The following WDPCP variants were observed in gnomAD, a reference collection of about 807,000 sequenced individuals.
WDPCP encodes WD repeat containing planar cell polarity effector.
In WDPCP, 71 loss-of-function variants were observed where a neutral mutation model predicts 93.1. The observed-to-expected ratio is 0.76, with a 90% confidence interval of 0.63 to 0.93. The LOEUF (loss-of-function observed/expected upper bound fraction) is 0.93. WDPCP is among the 40% of genes least tolerant of loss of function. The pLI is 0.00. For synonymous variants in WDPCP, 315 were observed against 315.0 expected, an observed-to-expected ratio of 1.00 and a Z score of 0.00; for missense variants, 844 against 887.4, an observed-to-expected ratio of 0.95 and a Z score of 0.62.
At chr2:63,804,642 C>T (rs996997544) in intron 2 of WDPCP, among the ~76,000 whole-genome samples, 5 of 151,736 alleles carry the variant, frequency 3.3e-5, no homozygotes, top group South Asian at 2.1e-4. Flanking sequence ...TGTTGGTGAA[C>T]GACTAGAATA....
chr2:63,299,287 C>A (rs1394127729), intron 13 of WDPCP, among the ~76,000 whole-genome samples: 1 of 152,178 alleles, frequency 6.6e-6, no homozygotes, highest in African/African-American at 2.4e-5. Flanking sequence ...GGCTACTATG[C>A]CCTTCACCTG....
intron 17 of WDPCP, among the ~76,000 whole-genome samples, chr2:63,126,982 C>A (rs1016971386): frequency 6.6e-6 from 1 of 152,002 alleles, no homozygotes; most frequent in African/African-American, 2.4e-5. Flanking sequence ...CATGCCTGGC[C>A]TGCAACTTTT....
At chr2:63,651,126 C>T (rs948677921) in intron 2 of WDPCP, among the ~76,000 whole-genome samples, 12 of 152,098 alleles carry the variant, frequency 7.9e-5, no homozygotes, top group Admixed American at 6.5e-5. Context: ...GCTTTCCGAC[C>T]GTGTAGAGCA....
At chr2:63,474,556 C>A (rs867561446) in intron 6 of WDPCP, among the ~76,000 whole-genome samples, 2 of 152,096 alleles carry the variant, frequency 1.3e-5, no homozygotes, top group Middle Eastern at 6.8e-3. Flanking sequence ...TTGCTTATCT[C>A]CTGAGTGGAA....
chr2:63,352,829 T>C (rs13386979), intron 12 of WDPCP, among the ~76,000 whole-genome samples: 35,872 of 152,088 alleles, frequency 0.24, 5,676 homozygotes, highest in East Asian at 0.61. Flanking sequence ...GATGCTGGTA[T>C]TCATACTTCA....
chr2:63,655,023 TGAGA>T (rs767320793), intron 2 of WDPCP, among the ~76,000 whole-genome samples: 5 of 152,172 alleles, frequency 3.3e-5, no homozygotes, highest in Non-Finnish European at 5.9e-5. Flanking sequence ...AAGCCAGAGA[TGAGA>T]GACTAGAGAA....
At chr2:63,248,799 G>C (rs891550050) in intron 14 of WDPCP, among the ~76,000 whole-genome samples, 2 of 151,784 alleles carry the variant, frequency 1.3e-5, no homozygotes, top group Non-Finnish European at 2.9e-5. Flanking sequence ...CTCAAACCTT[G>C]AACTTCTCTA....
chr2:63,831,375 T>C (rs976268621), upstream of WDPCP, among the ~76,000 whole-genome samples: 1 of 152,192 alleles, frequency 6.6e-6, no homozygotes, highest in Non-Finnish European at 1.5e-5. Context: ...TCTCCTAGAA[T>C]ACACAATGCT....
chr2:63,368,418 C>A (rs567300139), intron 12 of WDPCP, among the ~76,000 whole-genome samples: 2 of 152,036 alleles, frequency 1.3e-5, no homozygotes, highest in African/African-American at 4.8e-5. Context: ...CTCCACCTCC[C>A]AGGTTCAAGT....
At chr2:63,211,987 C>T (rs1340882452) in intron 14 of WDPCP, among the ~76,000 whole-genome samples, 3 of 152,150 alleles carry the variant, frequency 2.0e-5, no homozygotes, top group East Asian at 1.9e-4. Context: ...ACCAAATCTA[C>T]GTCTGATTGG....
chr2:63,660,876 A>C (rs115811676), intron 2 of WDPCP, among the ~76,000 whole-genome samples: 1,819 of 152,328 alleles, frequency 0.012, 40 homozygotes, highest in African/African-American at 0.042. Context: ...TTATTATTGC[A>C]AATATTTTTT....
intron 1 of WDPCP, among the ~76,000 whole-genome samples, chr2:63,556,992 C>T (rs1706176919): frequency 6.6e-6 from 1 of 152,206 alleles, no homozygotes; most frequent in Admixed American, 6.5e-5. Context: ...ACCACCAGGC[C>T]TTCCTTACAA....
chr2:63,371,028 A>T (rs1295449402), intron 12 of WDPCP, among the ~76,000 whole-genome samples: 1 of 151,906 alleles, frequency 6.6e-6, no homozygotes, highest in Non-Finnish European at 1.5e-5. Flanking sequence ...AAATATATAT[A>T]TTTCCCTTCA....
intron 2 of WDPCP, among the ~76,000 whole-genome samples, chr2:63,665,104 AAG>A (rs2106635043): frequency 6.6e-6 from 1 of 152,362 alleles, no homozygotes; most frequent in Admixed American, 6.5e-5. Context: ...AGCCTAGGAT[AAG>A]AGAGTTTAAA....
At chr2:63,341,672 C>T (rs556965191) in intron 12 of WDPCP, among the ~76,000 whole-genome samples, 16 of 152,184 alleles carry the variant, frequency 1.1e-4, no homozygotes, top group Middle Eastern at 3.4e-3. Flanking sequence ...CTTTCTATTC[C>T]CTTCAATTGC....
At chr2:63,526,004 C>T (rs1055160966) in intron 1 of WDPCP, among the ~76,000 whole-genome samples, 18 of 152,006 alleles carry the variant, frequency 1.2e-4, no homozygotes, top group African/African-American at 4.4e-4. Flanking sequence ...TATGTATGTA[C>T]GGCTTTTGAA....
At chr2:63,757,324 T>C (rs1373859635) in intron 2 of WDPCP, among the ~76,000 whole-genome samples, 1 of 152,336 alleles carries the variant, frequency 6.6e-6, no homozygotes, top group African/African-American at 2.4e-5. Flanking sequence ...ATGTATTTGC[T>C]GTGTGTTTTC....
At chr2:63,476,680 A>T (rs1478627408) in intron 6 of WDPCP, among the ~76,000 whole-genome samples, 4 of 152,172 alleles carry the variant, frequency 2.6e-5, no homozygotes, top group Non-Finnish European at 4.4e-5. Flanking sequence ...GAAATCAATA[A>T]ATACTGTGTG....
chr2:63,292,950 T>G (rs1028054060), intron 13 of WDPCP, among the ~76,000 whole-genome samples: 5 of 152,192 alleles, frequency 3.3e-5, no homozygotes, highest in Non-Finnish European at 7.3e-5. Context: ...TGGGCAACTG[T>G]GCACACCTTC....
Sources: gnomAD v4.1 joint callset for allele counts (sites outside exome capture counted in the v4.1 genomes callset) on GRCh38, gnomAD v4.1.1 for gene constraint, MANE v1.5 for transcripts, NCBI Gene and HGNC (gene_info 2026-07-23, HGNC 2026-07-21) for gene names.